Variants in BANP observed in about 807,000 individuals in gnomAD.
BANP encodes the protein BTG3 associated nuclear protein, also known as protein BANP.
A neutral mutation model predicts 68.1 loss-of-function variants in BANP; 11 were observed. The ratio of observed to expected loss-of-function variants is 0.16; its 90% confidence interval spans 0.10 to 0.27. The LOEUF (loss-of-function observed/expected upper bound fraction) is 0.27, where lower values mean the gene tolerates loss of function less well. BANP is among the 10% of genes least tolerant of loss of function. The pLI is 1.00. For synonymous variants in BANP, 329 were observed against 303.2 expected (o/e 1.09, Z -0.88); for missense variants, 504 against 722.7 (o/e 0.70, Z 3.47).
In BANP at chr16:88,007,838, G is replaced by C. The variant is rs140742194; in HGVS notation, c.655+1573G>C. The stretch of plus-strand genomic sequence containing the variant: ...GCAGAATGGAGGGAAGAGAGAAAGA[G>C]ACGTTGAGTTGATCTTTTTTTTTTT... On this transcript the variant is annotated intron_variant, in intron 6 of 13. Coordinates refer to ENST00000682872, the MANE Select transcript of BANP (RefSeq NM_001386991.1). Among the ~76,000 whole-genome samples the C allele has an allele frequency of 7.1e-4, 108 of 151,852 alleles. 1 individual carries two copies. In the East Asian group the frequency reaches 0.02, roughly 28 times the overall value.
At chr16:87,989,477 G>A (rs1209688598) in intron 4 of BANP, among the ~76,000 whole-genome samples, 1 of 152,246 alleles carries the variant, frequency 6.6e-6, no homozygotes. Context: ...TCTGTACTTC[G>A]AAGCTGGACA....
At chr16:88,069,649 G>A (rs946704951) in intron 12 of BANP, among the ~76,000 whole-genome samples, 1 of 152,328 alleles carries the variant, frequency 6.6e-6, no homozygotes, top group South Asian at 2.1e-4. Flanking sequence ...CCAGGTCTCA[G>A]TTCCTCATCT....
At chr16:87,983,730 T>A (rs1401597217) in intron 3 of BANP, among the ~76,000 whole-genome samples, 5 of 152,114 alleles carry the variant, frequency 3.3e-5, no homozygotes, top group African/African-American at 1.2e-4. Context: ...AAGATTTGAC[T>A]AGTTTTATGT....
At chr16:88,055,532 C>G (rs1021369349) in intron 11 of BANP, among the ~76,000 whole-genome samples, 8 of 152,150 alleles carry the variant, frequency 5.3e-5, no homozygotes, top group African/African-American at 1.9e-4. Context: ...GCTTCAGAAT[C>G]TTTTTCCATG....
intron 7 of BANP, among the ~76,000 whole-genome samples, chr16:88,024,902 T>G (rs181151041): frequency 6.6e-6 from 1 of 152,350 alleles, no homozygotes; most frequent in African/African-American, 2.4e-5. Context: ...AATTTAAATG[T>G]GAATGTTTTC....
chr16:88,045,022 A>G (rs545264835), intron 11 of BANP, among the ~76,000 whole-genome samples: 1 of 152,228 alleles, frequency 6.6e-6, no homozygotes, highest in African/African-American at 2.4e-5. Flanking sequence ...TTACACTGCA[A>G]ATATTAATAT....
At chr16:87,965,688 C>A (rs993884390) in intron 1 of BANP, among the ~76,000 whole-genome samples, 3 of 152,292 alleles carry the variant, frequency 2.0e-5, no homozygotes, top group Admixed American at 6.5e-5. Flanking sequence ...CTCTCCCCAT[C>A]CCTGCCCGAA....
At chr16:87,998,837 C>T (rs1314886098) in intron 4 of BANP, among the ~76,000 whole-genome samples, 18 of 135,850 alleles carry the variant, frequency 1.3e-4, no homozygotes, top group African/African-American at 3.6e-4. Context: ...CCCGCACGTG[C>T]GCGGCTGTAC....
intron 4 of BANP, among the ~76,000 whole-genome samples, chr16:87,996,101 G>A (rs1174122637): frequency 6.6e-6 from 1 of 152,322 alleles, no homozygotes; most frequent in Non-Finnish European, 1.5e-5. Context: ...AGTCATGTCT[G>A]TTCTCTGTCC....
Position 88,072,117 on chromosome 16 carries a change from G to T in BANP, c.1426G>T (p.Ala476Ser). The change falls in exon 13 of 14, where the codon GCG becomes TCG. Residue 476 changes from alanine (A) to serine (S), a missense_variant. By Grantham distance (99) the Ala-to-Ser change is moderately conservative (BLOSUM62 1). Transcript: ENST00000682872. ...LIAVASSDPA[A>S]AGVDGSPLQG... Reference sequence around the variant, plus strand: ...CGCCGTGGCCTCCTCGGACCCCGCGGCGGCGGGCGTGGATGGGTCGCCACT... The same window carrying T: ...CGCCGTGGCCTCCTCGGACCCCGCGTCGGCGGGCGTGGATGGGTCGCCACT... 6.2e-7 allele frequency: 1 copy of T among 1,606,460 alleles called. No individual in the cohort carries two copies. The highest frequency in any genetic ancestry group is 8.5e-7 in the Non-Finnish European group (1 of 1,177,666).
chr16:88,059,099 G>A (rs930157583), intron 11 of BANP, among the ~76,000 whole-genome samples: 1 of 151,082 alleles, frequency 6.6e-6, no homozygotes, highest in Non-Finnish European at 1.5e-5. Flanking sequence ...CCGTGCTCCT[G>A]CTGGTGTGCT....
In BANP at chr16:88,003,306, T is replaced by A. The variant is rs2069973104; in HGVS notation, c.363-989T>A. 6.6e-6 allele frequency among the ~76,000 whole-genome samples: 1 copy of A among 152,234 alleles called. No individual in the cohort carries two copies. Among genetic ancestry groups the A allele is most frequent in the African/African-American group, 2.4e-5 (1 of 41,462 alleles). Reference sequence around the variant, plus strand: ...TTTACTTGAGCATGGCGTGGTGCTGTGCTGGCACTCAATGTGGGGACAGTT... The same window carrying A: ...TTTACTTGAGCATGGCGTGGTGCTGAGCTGGCACTCAATGTGGGGACAGTT... On this transcript the variant is annotated intron_variant, in intron 4 of 13. Transcript: ENST00000682872. The surrounding 1 kb of genome is among the most constrained non-coding windows in gnomAD (Gnocchi z 6.1).
intron 4 of BANP, among the ~76,000 whole-genome samples, chr16:87,992,847 C>G (rs989826504): frequency 1.3e-5 from 2 of 151,948 alleles, no homozygotes; most frequent in African/African-American, 2.4e-5. Context: ...TTGTTTGTGT[C>G]TCTCAAGATT....
intron 5 of BANP, 143 bp from the exon 6 acceptor site, chr16:88,005,941 ATTAATC>A (rs2070938381): frequency 1.2e-6 from 1 of 856,808 alleles, no homozygotes; most frequent in Non-Finnish European, 1.8e-6. Context: ...TGGAGTTTCT[ATTAATC>A]TTGGTAGAGA....
At chr16:88,053,939 TCAC>T (rs1462786426) in intron 11 of BANP, among the ~76,000 whole-genome samples, 1 of 93,762 alleles carries the variant, frequency 1.1e-5, no homozygotes, top group Non-Finnish European at 2.8e-5. Flanking sequence ...TCCATCATCA[TCAC>T]CAACACAACC....
rs1567771957 is a variant in BANP at position 88,019,578 on chromosome 16, TCC to T, written c.895+912_895+913del. Among the ~76,000 whole-genome samples the T allele has an allele frequency of 3.3e-3, 35 of 10,598 alleles. 3 individuals are homozygous for T. The highest frequency in any genetic ancestry group is 5.1e-3 in the Non-Finnish European group (24 of 4,744). 7.0% of individuals were successfully genotyped at this position (10,598 alleles called of 152,430 possible). A position where few individuals can be genotyped will look rare whatever the true frequency, so the allele number is the denominator to read the frequency against. ...ATCTCAGCGTGCGGGGGGCGGGGCG[TCC>T]GGGATCTCGGCGTGCGGGATCTCAG... On this transcript the variant is annotated intron_variant, in intron 7 of 13. Coordinates refer to ENST00000682872, the MANE Select transcript of BANP (RefSeq NM_001386991.1).
intron 11 of BANP, among the ~76,000 whole-genome samples, chr16:88,043,771 C>T (rs575232681): frequency 1.2e-4 from 19 of 152,032 alleles, no homozygotes; most frequent in Non-Finnish European, 2.2e-4. Flanking sequence ...TTCAGACAGA[C>T]GGTGCCAGGA....
At chr16:87,975,513 G>T (rs1332677784) in intron 2 of BANP, among the ~76,000 whole-genome samples, 1 of 152,078 alleles carries the variant, frequency 6.6e-6, no homozygotes, top group African/African-American at 2.4e-5. Context: ...TTACCATGTT[G>T]TATGTGTAAT....
intron 11 of BANP, among the ~76,000 whole-genome samples, chr16:88,050,119 T>C (rs73250819): frequency 0.02 from 2,983 of 152,294 alleles, 95 homozygotes; most frequent in African/African-American, 0.067. Context: ...TTAACAGGGA[T>C]AGATCCAGCT....
Sources: allele counts gnomAD v4.1 joint callset (sites outside exome capture counted in the v4.1 genomes callset), GRCh38; gene constraint gnomAD v4.1.1; non-coding constraint Gnocchi (gnomAD v3.1); transcripts MANE v1.5; gene names NCBI Gene and HGNC (gene_info 2026-07-23, HGNC 2026-07-21).